CSMD3: variants seen among roughly 807,000 people sequenced by gnomAD.
CSMD3 encodes the protein CUB and Sushi multiple domains 3, also known as CUB and sushi domain-containing protein 3.
In CSMD3, 177 loss-of-function variants were observed where a neutral mutation model predicts 435.2. That is an observed-to-expected ratio of 0.41 (90% CI 0.36 to 0.46). The LOEUF is 0.46. CSMD3 is among the 20% of genes least tolerant of loss of function. The pLI is 0.34. For synonymous variants in CSMD3, 1,656 were observed against 1,520.5 expected, an observed-to-expected ratio of 1.09 and a Z score of -2.07; for missense variants, 4,265 against 4,504.6, an observed-to-expected ratio of 0.95 and a Z score of 1.52.
intron 22 of CSMD3, among the ~76,000 whole-genome samples, chr8:112,616,968 T>C (rs551165262): frequency 6.6e-6 from 1 of 152,174 alleles, no homozygotes; most frequent in Non-Finnish European, 1.5e-5. Flanking sequence ...AAAGGCCTGG[T>C]GGCAATTCCA....
intron 16 of CSMD3, among the ~76,000 whole-genome samples, chr8:112,677,657 T>G (rs1394925843): frequency 6.6e-6 from 1 of 151,706 alleles, no homozygotes; most frequent in Non-Finnish European, 1.5e-5. Context: ...AAATGATCAT[T>G]TGGGGGAGAA....
At chr8:113,302,438 A>G (rs2093780313) in intron 2 of CSMD3, among the ~76,000 whole-genome samples, 1 of 150,502 alleles carries the variant, frequency 6.6e-6, no homozygotes, top group Non-Finnish European at 1.5e-5. Flanking sequence ...TAACAGATAC[A>G]GAGTATATGT....
intron 13 of CSMD3, among the ~76,000 whole-genome samples, chr8:112,693,537 A>C (rs1443176266): frequency 6.6e-6 from 1 of 151,960 alleles, no homozygotes; most frequent in Non-Finnish European, 1.5e-5. Flanking sequence ...ATTGATTTTA[A>C]TTCTTTCATA....
At chr8:113,005,003 A>G (rs1170503255) in intron 6 of CSMD3, among the ~76,000 whole-genome samples, 1 of 151,360 alleles carries the variant, frequency 6.6e-6, no homozygotes, top group Non-Finnish European at 1.5e-5. Flanking sequence ...CCAAATCTCA[A>G]GAGACATATA....
intron 31 of CSMD3, among the ~76,000 whole-genome samples, chr8:112,483,297 A>C (rs1051607533): frequency 2.6e-5 from 4 of 151,958 alleles, no homozygotes; most frequent in Admixed American, 6.6e-5. Context: ...TCGAGACCAG[A>C]CTGGCCAACA....
At chr8:112,684,046 C>T (rs1475024278) in intron 15 of CSMD3, among the ~76,000 whole-genome samples, 4 of 151,640 alleles carry the variant, frequency 2.6e-5, no homozygotes, top group Non-Finnish European at 4.4e-5. Flanking sequence ...ATAATTTGCA[C>T]ATTATCAATT....
intron 3 of CSMD3, among the ~76,000 whole-genome samples, chr8:113,183,400 AGGAACACTCTTCC>A (rs2092451621): frequency 6.6e-6 from 1 of 151,936 alleles, no homozygotes; most frequent in African/African-American, 2.4e-5. Flanking sequence ...TTTGGTGCCA[AGGAACACTCTTCC>A]CAACCCCCAA....
intron 13 of CSMD3, among the ~76,000 whole-genome samples, chr8:112,758,515 G>A (rs1374571567): frequency 6.6e-6 from 1 of 151,842 alleles, no homozygotes; most frequent in Non-Finnish European, 1.5e-5. Context: ...ATCTTGACAC[G>A]AGTCCAGTTT....
intron 10 of CSMD3, among the ~76,000 whole-genome samples, chr8:112,864,317 C>T (rs1454113770): frequency 2.0e-5 from 3 of 151,894 alleles, no homozygotes; most frequent in Non-Finnish European, 4.4e-5. Flanking sequence ...GGCATGATCT[C>T]GGCTCATTGC....
chr8:112,690,960 G>T (rs1344904728), intron 13 of CSMD3, among the ~76,000 whole-genome samples: 1 of 151,966 alleles, frequency 6.6e-6, no homozygotes, highest in Non-Finnish European at 1.5e-5. Flanking sequence ...CACATTGCTA[G>T]TTCCTCCGTT....
intron 30 of CSMD3, among the ~76,000 whole-genome samples, chr8:112,495,537 A>G (rs1821248414): frequency 6.6e-6 from 1 of 152,218 alleles, no homozygotes; most frequent in Non-Finnish European, 1.5e-5. Flanking sequence ...TTATGTTTAC[A>G]TACTGCTTTA....
At chr8:113,260,263 C>G (rs1363354860) in intron 3 of CSMD3, among the ~76,000 whole-genome samples, 1 of 152,128 alleles carries the variant, frequency 6.6e-6, no homozygotes, top group Non-Finnish European at 1.5e-5. Context: ...TAACTACCTA[C>G]CTTGTTTTCT....
intron 53 of CSMD3, among the ~76,000 whole-genome samples, chr8:112,300,832 T>G (rs1820852930): frequency 6.6e-6 from 1 of 152,176 alleles, no homozygotes; most frequent in South Asian, 2.1e-4. Context: ...ATAATGATTG[T>G]ATTTCTATGA....
chr8:112,917,315 T>C (rs1016046946), intron 10 of CSMD3, among the ~76,000 whole-genome samples: 6 of 151,822 alleles, frequency 4.0e-5, no homozygotes, highest in Admixed American at 1.3e-4. Flanking sequence ...AAGACAGTAA[T>C]TGTAAAGTAA....
At chr8:112,403,934 A>C (rs1306449789) in intron 35 of CSMD3, among the ~76,000 whole-genome samples, 2 of 152,316 alleles carry the variant, frequency 1.3e-5, no homozygotes, top group Non-Finnish European at 2.9e-5. Flanking sequence ...TATTTTTTGT[A>C]AGTGTTCATT....
chr8:113,368,074 A>G (rs2094324281), intron 1 of CSMD3, among the ~76,000 whole-genome samples: 1 of 152,148 alleles, frequency 6.6e-6, no homozygotes, highest in African/African-American at 2.4e-5. Context: ...AAAATTAACT[A>G]CACTTCCTAT....
intron 6 of CSMD3, among the ~76,000 whole-genome samples, chr8:112,995,137 T>C (rs188795279): frequency 5.3e-5 from 8 of 151,492 alleles, no homozygotes; most frequent in African/African-American, 1.7e-4. Flanking sequence ...ATAGGATGTA[T>C]ACAAAATAGC....
At chr8:113,402,370 T>C (rs1465212236) in intron 1 of CSMD3, among the ~76,000 whole-genome samples, 3 of 151,374 alleles carry the variant, frequency 2.0e-5, no homozygotes, top group Non-Finnish European at 4.4e-5. Flanking sequence ...CAAAATATGT[T>C]ATACTTTGAT....
At chr8:113,091,388 C>T (rs1449925770) in intron 5 of CSMD3, among the ~76,000 whole-genome samples, 1 of 152,040 alleles carries the variant, frequency 6.6e-6, no homozygotes, top group African/African-American at 2.4e-5. Flanking sequence ...TGCACTGAAG[C>T]CATTGACTCC....
Sources: gnomAD v4.1 joint callset for allele counts (sites outside exome capture counted in the v4.1 genomes callset) on GRCh38, gnomAD v4.1.1 for gene constraint, MANE v1.5 for transcripts, NCBI Gene and HGNC (gene_info 2026-07-23, HGNC 2026-07-21) for gene names.